The following VMP1 variants were observed in gnomAD, a reference collection of about 807,000 sequenced individuals.
VMP1 encodes vacuole membrane protein 1.
Under a neutral mutation model 56.0 loss-of-function variants are expected in VMP1, and 11 were observed. That is an observed-to-expected ratio of 0.20 (90% CI 0.12 to 0.32). The LOEUF (loss-of-function observed/expected upper bound fraction) is 0.32, where lower values mean the gene tolerates loss of function less well. VMP1 is among the 10% of genes least tolerant of loss of function. The pLI, the probability that VMP1 is intolerant of heterozygous loss-of-function variation, is 1.00. For missense variants in VMP1, 296 were observed against 490.3 expected (o/e 0.60, Z 3.74); for synonymous variants, 149 against 165.0 (o/e 0.90, Z 0.74).
At chr17:59,730,847 T>C (rs1305513880) in intron 1 of VMP1, among the ~76,000 whole-genome samples, 1 of 152,146 alleles carries the variant, frequency 6.6e-6, no homozygotes, top group Non-Finnish European at 1.5e-5. Flanking sequence ...AGTTTGGTTT[T>C]TTTTTTTGCC....
rs2037757821 is a variant in VMP1 at position 59,803,945 on chromosome 17, A to C, written c.715-4851A>C. 2.5e-5 allele frequency among the ~76,000 whole-genome samples: 3 copies of C among 120,952 alleles called. No homozygotes were observed. In the South Asian group the frequency reaches 8.2e-4, roughly 33 times the overall value. 79.3% of individuals were successfully genotyped at this position (120,952 alleles called of 152,430 possible). A position where few individuals can be genotyped will look rare whatever the true frequency, so the allele number is the denominator to read the frequency against. On this transcript the variant is annotated intron_variant, in intron 7 of 11. Transcript: ENST00000262291. ...TTAAAATTTTTTTTAATTTTATAAA[A>C]GGGATTTTTTTTGTTTTGGTTTAGC...
intron 7 of VMP1, among the ~76,000 whole-genome samples, chr17:59,781,230 CT>C (rs1266443555): frequency 6.6e-6 from 1 of 151,938 alleles, no homozygotes; most frequent in African/African-American, 2.4e-5. Context: ...GTTTTAGGCC[CT>C]TTGCTTATTT....
chr17:59,720,846 G>A (rs1225633712), intron 1 of VMP1, among the ~76,000 whole-genome samples: 4 of 151,984 alleles, frequency 2.6e-5, no homozygotes, highest in South Asian at 2.1e-4. Flanking sequence ...GATGGCAGAC[G>A]CTTGTAATCC....
At position 59,737,543 on chromosome 17, in the gene VMP1, G is replaced by A; in HGVS notation, c.303G>A (p.Gln101=). The A allele has an allele frequency of 6.2e-7, 1 of 1,602,268 alleles. No individual in the cohort carries two copies. Residue 101 remains glutamine, a splice_region_variant and synonymous_variant, in exon 4 of 12, where the codon CAG becomes CAA. Transcript: ENST00000262291. ...ATTATGTTGAAGGAGTGCATCAACA[G>A]GTGAGAGGTCGAGCAATTCTGTTTC... The part of the protein sequence containing the change: ...ATYYVEGVHQ[Q]YVQRIEKQFL...
intron 7 of VMP1, among the ~76,000 whole-genome samples, chr17:59,796,327 T>A (rs1172142076): frequency 6.6e-6 from 1 of 152,226 alleles, no homozygotes; most frequent in South Asian, 2.1e-4. Flanking sequence ...CTCCATGAGG[T>A]TCCAGATTGT....
intron 7 of VMP1, among the ~76,000 whole-genome samples, chr17:59,789,835 C>CTTTTTTTTTTTTTTT (rs754631557): frequency 2.4e-4 from 21 of 85,978 alleles, no homozygotes; most frequent in African/African-American, 5.3e-4. Flanking sequence ...CTTTCTTTCC[C>CTTTTTTTTTTTTTTT]TTTTTTTTTT....
In VMP1 at chr17:59,811,658, TTC is replaced by T; in HGVS notation, c.796-6_796-5del. ...GATTATAATATGGAAGTCCTTCTTT[TTC>T]TCTCTATAGATTCCAAATCCTTTAT... is the stretch of plus-strand genomic sequence containing the variant. On this transcript the variant is annotated splice_polypyrimidine_tract_variant and intron_variant, in intron 8 of 11. Transcript: ENST00000262291. 1.3e-6 allele frequency: 2 copies of T among 1,576,146 alleles called. No individual in the cohort carries two copies. The highest frequency in any genetic ancestry group is 1.7e-6 in the Non-Finnish European group (2 of 1,151,936).
intron 10 of VMP1, among the ~76,000 whole-genome samples, chr17:59,837,213 AAG>A (rs1333439126): frequency 6.6e-6 from 1 of 152,022 alleles, no homozygotes; most frequent in Admixed American, 6.6e-5. Context: ...AAAAAAAAAA[AAG>A]TGAAGTGAAG....
intron 7 of VMP1, among the ~76,000 whole-genome samples, chr17:59,778,922 A>G (rs1451194271): frequency 6.6e-6 from 1 of 152,338 alleles, no homozygotes; most frequent in Non-Finnish European, 1.5e-5. Flanking sequence ...GCCAAGTAGC[A>G]GCAGTGAGCC....
chr17:59,744,648 GAGAC>G (rs1471111187), intron 5 of VMP1, among the ~76,000 whole-genome samples: 1 of 149,200 alleles, frequency 6.7e-6, no homozygotes, highest in Non-Finnish European at 1.5e-5. Context: ...AAAAAAGAGA[GAGAC>G]AGAAGGAAAG....
At chr17:59,793,597 T>C (rs2037315771) in intron 7 of VMP1, among the ~76,000 whole-genome samples, 1 of 116,128 alleles carries the variant, frequency 8.6e-6, no homozygotes, top group Admixed American at 8.9e-5. Flanking sequence ...TTTGTGCGTG[T>C]GTGCACGCGT....
In VMP1 at chr17:59,840,024, A is replaced by G. The variant is rs967405699; in HGVS notation, c.*113A>G. On this transcript the variant is annotated 3_prime_UTR_variant, in exon 12 of 12. Transcript: ENST00000262291. ...TTTCCAACCTGTATCAATTTTTACA[A>G]CTTTTTTCCTGAAAGCAGTTTAGTC... The G allele has an allele frequency of 2.8e-6, 4 of 1,434,128 alleles. No homozygotes were observed. Among genetic ancestry groups the G allele is most frequent in the Admixed American group, 2.6e-5 (1 of 39,198 alleles). 88.8% of individuals were successfully genotyped at this position (1,434,128 alleles called of 1,614,324 possible). A position where few individuals can be genotyped will look rare whatever the true frequency, so the allele number is the denominator to read the frequency against.
At chr17:59,721,999 T>C (rs1301596500) in intron 1 of VMP1, among the ~76,000 whole-genome samples, 2 of 152,212 alleles carry the variant, frequency 1.3e-5, no homozygotes, top group Admixed American at 6.5e-5. Flanking sequence ...ACATAGTCTT[T>C]CCTCTGTGTC....
chr17:59,771,636 C>T (rs796891940), intron 6 of VMP1, among the ~76,000 whole-genome samples: 1 of 125,538 alleles, frequency 8.0e-6, no homozygotes, highest in African/African-American at 3.1e-5. Flanking sequence ...GAGACAGAGT[C>T]TCACCTGTCA....
At chr17:59,748,668 A>T (rs2035523940) in intron 5 of VMP1, among the ~76,000 whole-genome samples, 1 of 152,180 alleles carries the variant, frequency 6.6e-6, no homozygotes. Context: ...CAATATCACT[A>T]CGCTTACTCT....
At chr17:59,835,103 C>A (rs911275709) in intron 10 of VMP1, among the ~76,000 whole-genome samples, 3 of 152,008 alleles carry the variant, frequency 2.0e-5, no homozygotes, top group Non-Finnish European at 2.9e-5. Context: ...ACCATGTTGG[C>A]CAGGCTGTTT....
intron 5 of VMP1, among the ~76,000 whole-genome samples, chr17:59,750,443 A>G (rs973573494): frequency 2.6e-5 from 4 of 151,786 alleles, no homozygotes; most frequent in Non-Finnish European, 5.9e-5. Flanking sequence ...CTGAGATTAT[A>G]GGTGTCCACC....
At chr17:59,753,522 C>T (rs1230893214) in intron 5 of VMP1, among the ~76,000 whole-genome samples, 1 of 152,178 alleles carries the variant, frequency 6.6e-6, no homozygotes, top group Non-Finnish European at 1.5e-5. Flanking sequence ...CATTTGTAAA[C>T]TGTATGTAAC....
chr17:59,754,874 A>G (rs1007105131), intron 5 of VMP1, among the ~76,000 whole-genome samples: 1 of 151,974 alleles, frequency 6.6e-6, no homozygotes, highest in African/African-American at 2.4e-5. Flanking sequence ...AGACTGGGTA[A>G]CTTCCTGCCC....
Sources: allele counts gnomAD v4.1 joint callset (sites outside exome capture counted in the v4.1 genomes callset), GRCh38; gene constraint gnomAD v4.1.1; transcripts MANE v1.5; gene names NCBI Gene and HGNC (gene_info 2026-07-23, HGNC 2026-07-21).